POLQ: variants seen among roughly 807,000 people sequenced by gnomAD.
The protein encoded by POLQ is DNA polymerase theta.
POLQ carries 233 observed loss-of-function variants against 259.2 expected under a neutral mutation model. That is an observed-to-expected ratio of 0.90 (90% CI 0.81 to 1.00). The LOEUF (loss-of-function observed/expected upper bound fraction) is 1.00. Ranked by LOEUF, POLQ falls within the 50% of genes least tolerant of loss-of-function variation. The pLI is 0.00. For synonymous variants in POLQ, 1,025 were observed against 1,048.8 expected (o/e 0.98, Z 0.44); for missense variants, 2,871 against 3,051.6 (o/e 0.94, Z 1.39).
intron 25 of POLQ, among the ~76,000 whole-genome samples, chr3:121,456,784 A>G (rs1360922699): frequency 6.6e-6 from 1 of 152,232 alleles, no homozygotes; most frequent in African/African-American, 2.4e-5. Flanking sequence ...GGAAGAATCA[A>G]TATCGTGAAA....
chr3:121,467,682 T>G (rs201009349), intron 23 of POLQ, 42 bp from the exon 24 acceptor site: 1 of 1,593,770 alleles, frequency 6.3e-7, no homozygotes, highest in Non-Finnish European at 8.6e-7. Context: ...TGAAGCAGTC[T>G]CAAATATATG....
chr3:121,499,767 AGG>A (rs1240335366), intron 12 of POLQ, among the ~76,000 whole-genome samples: 1 of 152,162 alleles, frequency 6.6e-6, no homozygotes, highest in Non-Finnish European at 1.5e-5. Flanking sequence ...TCTCAAACAC[AGG>A]GGGAAAAGCA....
chr3:121,507,407 G>T (rs183383476), intron 12 of POLQ, among the ~76,000 whole-genome samples: 1 of 152,266 alleles, frequency 6.6e-6, no homozygotes, highest in Non-Finnish European at 1.5e-5. Flanking sequence ...TCCAGTTTCT[G>T]TTTTGTAATG....
At chr3:121,535,703 G>A (rs184045389) in intron 5 of POLQ, among the ~76,000 whole-genome samples, 146 of 136,550 alleles carry the variant, frequency 1.1e-3, no homozygotes, top group African/African-American at 3.9e-3. Context: ...GCAAAAGAGC[G>A]GAACTCCATC....
chr3:121,531,405 T>A (rs931035237), intron 6 of POLQ, among the ~76,000 whole-genome samples: 2 of 151,982 alleles, frequency 1.3e-5, no homozygotes, highest in Non-Finnish European at 1.5e-5. Flanking sequence ...GGCCAGAAAC[T>A]CTTGTTGTAT....
rs1243071861 is a variant in POLQ at position 121,489,716 on chromosome 3, A to G, written c.3215T>C (p.Leu1072Pro). The G allele has an allele frequency of 1.2e-6, 2 of 1,612,918 alleles. No homozygotes were observed. The highest frequency in any genetic ancestry group is 1.3e-5 in the African/African-American group (1 of 74,968). Residue 1072 changes from leucine to proline, a missense_variant, in exon 16 of 30, where the codon CTG becomes CCG. Around this residue, in one of 3 missense-constraint regions of POLQ, gnomAD observed 2,080 missense variants for 2,126.0 expected, o/e 0.98. Transcript: ENST00000264233. Reference protein sequence around the residue: ...ACRIHLQGQTLSNPSLCEDPF... With the variant: ...ACRIHLQGQTPSNPSLCEDPF... ...GTCTTCACAAAGACTAGGATTAGACAGAGTCTGTCCTTGTAAATGGATTCT... is the reference window on the plus strand; with the variant it reads ...GTCTTCACAAAGACTAGGATTAGACGGAGTCTGTCCTTGTAAATGGATTCT...
chr3:121,490,412 C>T lies in POLQ; in HGVS notation c.2523-4G>A, dbSNP rs1006762927. On this transcript the variant is annotated splice_polypyrimidine_tract_variant and splice_region_variant and intron_variant, in intron 15 of 29. Coordinates refer to ENST00000264233, the MANE Select transcript of POLQ (RefSeq NM_199420.4). ...CTCATCCACTGCCTTCCGGGCACTA[C>T]ACAAGGAGATGGGAAAAGACAGAAA... The T allele has an allele frequency of 1.7e-5, 28 of 1,610,432 alleles. No homozygotes were observed. The highest frequency in any genetic ancestry group is 2.2e-5 in the Non-Finnish European group (26 of 1,177,422).
At position 121,460,053 on chromosome 3, in the gene POLQ, T is replaced by C; in HGVS notation, c.7149A>G (p.Lys2383=). 6.2e-7 allele frequency: 1 copy of C among 1,612,546 alleles called. No homozygotes were observed. Among genetic ancestry groups the C allele is most frequent in the Non-Finnish European group, 8.5e-7 (1 of 1,178,652 alleles). The change falls in exon 25 of 30, where the codon AAA becomes AAG. Residue 2383 remains lysine, a synonymous_variant. Coordinates refer to ENST00000264233, the MANE Select transcript of POLQ (RefSeq NM_199420.4). ...SVGDDLRQQA[K]QICYGIIYGM... is the part of the protein sequence containing the mutation. ...TAACCATGTTCACTAAAATCACCTG[T>C]TTTGCCTGCTGCCTCAGATCATCCC...
chr3:121,531,797 T>C (rs1047161382), intron 6 of POLQ, among the ~76,000 whole-genome samples: 1 of 152,150 alleles, frequency 6.6e-6, no homozygotes, highest in Non-Finnish European at 1.5e-5. Context: ...CACACATAAA[T>C]GTATTGAAGT....
chr3:121,452,254 C>T lies in POLQ; in HGVS notation c.7153-2828G>A, dbSNP rs2047684411. On this transcript the variant is annotated intron_variant, in intron 25 of 29. Coordinates refer to ENST00000264233, the MANE Select transcript of POLQ (RefSeq NM_199420.4). ...GCTTCCCAGGTGAGGTGATGCCTCG[C>T]CCTGCTTCGGCTCACGCTCGGTGGG... Among the ~76,000 whole-genome samples the T allele has an allele frequency of 2.0e-5, 3 of 152,128 alleles. No homozygotes were observed. The South Asian group carries it at 6.2e-4, about 32-fold the overall frequency.
chr3:121,545,709 G>C lies in POLQ; in HGVS notation c.163+6C>G. 6.5e-7 allele frequency: 1 copy of C among 1,548,626 alleles called. No individual in the cohort carries two copies. On this transcript the variant is annotated splice_donor_region_variant and intron_variant, in intron 1 of 29. Coordinates refer to ENST00000264233, the MANE Select transcript of POLQ (RefSeq NM_199420.4). Reference sequence around the variant, plus strand: ...TTGCCCGCGGCCTCCCGGGTTCCTGGAGCACCTGCAGCTGCGGCCTTCAGG... The same window carrying C: ...TTGCCCGCGGCCTCCCGGGTTCCTGCAGCACCTGCAGCTGCGGCCTTCAGG...
intron 14 of POLQ, among the ~76,000 whole-genome samples, chr3:121,495,855 A>G (rs1302433121): frequency 6.7e-6 from 1 of 150,358 alleles, no homozygotes; most frequent in Non-Finnish European, 1.5e-5. Flanking sequence ...TCTCAAAAAA[A>G]AAAAAAAAAA....
At position 121,498,518 on chromosome 3, in the gene POLQ, G is replaced by A. The variant is rs2048142222; in HGVS notation, c.2112C>T (p.Ala704=). 1.9e-6 allele frequency: 3 copies of A among 1,614,010 alleles called. No homozygotes were observed. The highest frequency in any genetic ancestry group is 2.7e-5 in the African/African-American group (2 of 74,984). Reference sequence around the variant, plus strand: ...TTTGTCGATGCTGTCTCTCAGTTCTGGCTACTACTTTTCCTTTCACACAAC... The same window carrying A: ...TTTGTCGATGCTGTCTCTCAGTTCTAGCTACTACTTTTCCTTTCACACAAC... ...LARCVKGKVV[A]RTERQHRQMA... is the part of the protein sequence containing the mutation. Residue 704 remains alanine, a synonymous_variant, in exon 13 of 30, where the codon GCC becomes GCT. Coordinates refer to ENST00000264233, the MANE Select transcript of POLQ (RefSeq NM_199420.4).
At chr3:121,451,272 C>A (rs2047673561) in intron 25 of POLQ, among the ~76,000 whole-genome samples, 1 of 152,204 alleles carries the variant, frequency 6.6e-6, no homozygotes, top group Admixed American at 6.5e-5. Context: ...TTGTCTGAGG[C>A]CGCCTTCTCT....
Position 121,467,738 on chromosome 3 carries a change from C to T in POLQ, c.6846-98G>A, listed in dbSNP as rs1056859160. The T allele has an allele frequency of 4.7e-5, 61 of 1,295,642 alleles. 1 individual carries two copies. Among genetic ancestry groups the T allele is most frequent in the Admixed American group, 2.6e-4 (13 of 50,202 alleles). 80.3% of individuals were successfully genotyped at this position (1,295,642 alleles called of 1,614,324 possible). A position where few individuals can be genotyped will look rare whatever the true frequency, so the allele number is the denominator to read the frequency against. On this transcript the variant is annotated intron_variant, in intron 23 of 29. Coordinates refer to ENST00000264233, the MANE Select transcript of POLQ (RefSeq NM_199420.4). ...AACATCAGTATTTCCGTCTAAGAAA[C>T]TTAATAAAAACCTTACTGAGGGCTG...
Position 121,487,913 on chromosome 3 carries a change from G to A in POLQ, c.5018C>T (p.Thr1673Ile). Residue 1673 changes from threonine (T) to isoleucine (I), a missense_variant, in exon 16 of 30, where the codon ACA becomes ATA. Coordinates refer to ENST00000264233, the MANE Select transcript of POLQ (RefSeq NM_199420.4). The part of the protein sequence containing the change: ...INFSSLNRKN[T>I]ELNEEQEVIS... ...AACTTCTTGTTCTTCATTTAACTCT[G>A]TATTTTTTCTATTCAAACTGGAAAA... 2 of 1,604,996 alleles carry A rather than the reference G, an allele frequency of 1.2e-6. No homozygotes were observed. Among genetic ancestry groups the A allele is most frequent in the Non-Finnish European group, 1.7e-6 (2 of 1,176,092 alleles).
chr3:121,435,704 A>G (rs1263046989), intron 28 of POLQ, among the ~76,000 whole-genome samples: 2 of 152,246 alleles, frequency 1.3e-5, no homozygotes, highest in Admixed American at 6.5e-5. Flanking sequence ...TGATATTACA[A>G]CAGATTGAAT....
chr3:121,521,981 T>C (rs1226700483), intron 8 of POLQ, 22 bp downstream of exon 8: 1 of 1,518,280 alleles, frequency 6.6e-7, no homozygotes, highest in African/African-American at 1.4e-5. Context: ...GGTTTCTTAA[T>C]AACATTATAA....
intron 25 of POLQ, among the ~76,000 whole-genome samples, chr3:121,450,958 T>C (rs2047670359): frequency 6.6e-6 from 1 of 151,490 alleles, no homozygotes; most frequent in Non-Finnish European, 1.5e-5. Context: ...TTTCACATAG[T>C]CCCCTATTTC....
Sources: gnomAD v4.1 joint callset for allele counts (sites outside exome capture counted in the v4.1 genomes callset) on GRCh38, gnomAD v4.1.1 for gene constraint, gnomAD v4.1.1 regional missense constraint, MANE v1.5 for transcripts, NCBI Gene and HGNC (gene_info 2026-07-23, HGNC 2026-07-21) for gene names.